PCDHGB2: variants seen among roughly 807,000 people sequenced by gnomAD.
PCDHGB2 encodes protocadherin gamma-B2.
In PCDHGB2, 55 loss-of-function variants were observed where a neutral mutation model predicts 59.3. The ratio of observed to expected loss-of-function variants is 0.93; its 90% CI spans 0.75 to 1.16. The LOEUF is 1.16. Among genes scored for constraint, PCDHGB2 ranks in the 50% most tolerant of loss-of-function variants. The pLI is 0.00. For synonymous variants in PCDHGB2, 516 were observed against 512.0 expected, an observed-to-expected ratio of 1.01 and a Z score of -0.11; for missense variants, 1,228 against 1,198.5, an observed-to-expected ratio of 1.02 and a Z score of -0.36.
At position 141,421,815 on chromosome 5, in the gene PCDHGB2, A is replaced by C. The variant is rs746563152; in HGVS notation, c.2421+59259A>C. ...ATGGGGCCAAGAATCCAGAGCTAGTACTGGAGGGAAGCCTGGACCGAGAGA... is the reference window on the plus strand; with the variant it reads ...ATGGGGCCAAGAATCCAGAGCTAGTCCTGGAGGGAAGCCTGGACCGAGAGA... On this transcript the variant is annotated intron_variant, in intron 1 of 3. Coordinates refer to ENST00000522605, the MANE Select transcript of PCDHGB2 (RefSeq NM_018923.3). 4 of 1,613,764 alleles carry C rather than the reference A, an allele frequency of 2.5e-6. No individual in the cohort carries two copies. The South Asian group carries it at 3.3e-5, about 13-fold the overall frequency.
intron 1 of PCDHGB2, among the ~76,000 whole-genome samples, chr5:141,464,300 A>G (rs1349155102): frequency 2.0e-5 from 3 of 149,898 alleles, no homozygotes; most frequent in East Asian, 1.9e-4. Context: ...ACTCCATTGT[A>G]TGTGCACATA....
intron 1 of PCDHGB2, chr5:141,388,264 A>G (rs1054125491): frequency 1.3e-6 from 2 of 1,598,302 alleles, no homozygotes; most frequent in African/African-American, 2.9e-5. Context: ...GAGGACATTA[A>G]TGACCACACG....
rs775132338 is a variant in PCDHGB2 at position 141,490,858 on chromosome 5, G to A, written c.2422-3949G>A. On this transcript the variant is annotated intron_variant, in intron 1 of 3. Coordinates refer to ENST00000522605, the MANE Select transcript of PCDHGB2 (RefSeq NM_018923.3). This position sits in a 1 kb window ranked among gnomAD's most constrained non-coding sequence, Gnocchi z 5.4. Reference sequence around the variant, plus strand: ...GATTGTGGTGGGGGTTCGAGACTCCGGCTCTCCCCCATTGCATGCCAACAC... The same window carrying A: ...GATTGTGGTGGGGGTTCGAGACTCCAGCTCTCCCCCATTGCATGCCAACAC... 14 of 1,613,704 alleles carry A rather than the reference G, an allele frequency of 8.7e-6. No homozygotes were observed. Among genetic ancestry groups the A allele is most frequent in the South Asian group, 2.2e-5 (2 of 91,068 alleles).
chr5:141,413,445 C>A (rs764464917), intron 1 of PCDHGB2: 1 of 1,613,986 alleles, frequency 6.2e-7, no homozygotes, highest in Admixed American at 1.7e-5. Flanking sequence ...GCTTGATCAC[C>A]GCGGGCAGGA....
chr5:141,470,791 A>G (rs1234712958), intron 1 of PCDHGB2, among the ~76,000 whole-genome samples: 3 of 152,152 alleles, frequency 2.0e-5, no homozygotes, highest in African/African-American at 7.2e-5. Context: ...GGGCTCAAGC[A>G]ATCCTCCCAC....
chr5:141,473,349 T>G (rs2099319716), intron 1 of PCDHGB2, among the ~76,000 whole-genome samples: 1 of 152,232 alleles, frequency 6.6e-6, no homozygotes, highest in Non-Finnish European at 1.5e-5. Context: ...ACAGTGAGGA[T>G]GCAAGTGGCC....
Position 141,402,817 on chromosome 5 carries a change from C to T in PCDHGB2, c.2421+40261C>T, listed in dbSNP as rs1040353038. On this transcript the variant is annotated intron_variant, in intron 1 of 3. Transcript: ENST00000522605. ...ACAAAACCCGGCAGATACCACAAACCTGCTCCCAGGCTGCAGCAAAACTCA... is the reference window on the plus strand; with the variant it reads ...ACAAAACCCGGCAGATACCACAAACTTGCTCCCAGGCTGCAGCAAAACTCA... The T allele has an allele frequency of 6.3e-6, 8 of 1,267,616 alleles. No homozygotes were observed. In the African/African-American group the frequency reaches 1.2e-4, roughly 19 times the overall value. The allele number at this position is 1,267,616 out of a possible 1,614,324, so 78.5% of individuals were successfully genotyped here.
At chr5:141,374,204 A>G in intron 1 of PCDHGB2, 1 of 1,613,902 alleles carries the variant, frequency 6.2e-7, no homozygotes. Flanking sequence ...GGAGCTGGAG[A>G]AAGGCTCCTT....
At chr5:141,394,948 T>C (rs753376472) in intron 1 of PCDHGB2, 1 of 1,613,884 alleles carries the variant, frequency 6.2e-7, no homozygotes, top group Admixed American at 1.7e-5. Context: ...GCTGTGCTTC[T>C]GGGGCTCAGG....
intron 1 of PCDHGB2, among the ~76,000 whole-genome samples, chr5:141,464,648 G>A (rs776411908): frequency 6.6e-6 from 1 of 152,020 alleles, no homozygotes; most frequent in African/African-American, 2.4e-5. Flanking sequence ...AACCTGATGG[G>A]TAAAAAGATA....
chr5:141,403,788 A>G, intron 1 of PCDHGB2: 3 of 1,613,956 alleles, frequency 1.9e-6, no homozygotes, highest in South Asian at 1.1e-5. Context: ...AAAGTGGCAT[A>G]CAAATTCTGG....
At chr5:141,393,590 G>C (rs778378242) in intron 1 of PCDHGB2, 2 of 1,613,896 alleles carry the variant, frequency 1.2e-6, no homozygotes, top group South Asian at 1.1e-5. Context: ...CCCCAGGCAC[G>C]CGGCTGCTTA....
At chr5:141,375,897 C>T in intron 1 of PCDHGB2, 1 of 1,613,798 alleles carries the variant, frequency 6.2e-7, no homozygotes, top group South Asian at 1.1e-5. Flanking sequence ...GCCTGGCTGT[C>T]CTACCGCCTG....
intron 1 of PCDHGB2, chr5:141,365,681 A>T: frequency 6.2e-7 from 1 of 1,613,224 alleles, no homozygotes. Flanking sequence ...CAACCCACCC[A>T]ATTTCCCTCA....
At chr5:141,423,694 T>A in intron 1 of PCDHGB2, 1 of 1,501,554 alleles carries the variant, frequency 6.7e-7, no homozygotes, top group Non-Finnish European at 8.9e-7. Context: ...TAATTGTTGG[T>A]GTCTTGGCAC....
chr5:141,390,187 G>T, intron 1 of PCDHGB2: 1 of 1,614,040 alleles, frequency 6.2e-7, no homozygotes, highest in Non-Finnish European at 8.5e-7. Flanking sequence ...CTAAAATGTA[G>T]TGAGCAGTTG....
At chr5:141,399,592 G>A (rs1385029299) in intron 1 of PCDHGB2, 4 of 1,613,880 alleles carry the variant, frequency 2.5e-6, no homozygotes, top group Non-Finnish European at 3.4e-6. Flanking sequence ...CTCTATCATG[G>A]CCAGCGACCT....
intron 1 of PCDHGB2, chr5:141,478,287 G>A (rs777542913): frequency 3.7e-6 from 6 of 1,614,154 alleles, no homozygotes; most frequent in Non-Finnish European, 5.1e-6. Flanking sequence ...AAGCAGTCTA[G>A]AGACCTATAC....
chr5:141,400,229 T>C lies in PCDHGB2; in HGVS notation c.2421+37673T>C, dbSNP rs370433551. ...GCCTTGATCTCAGTGCTCTTCCTCCTGGCCGTGATTCTGGCCGTTGCCTTG... is the reference window on the plus strand; with the variant it reads ...GCCTTGATCTCAGTGCTCTTCCTCCCGGCCGTGATTCTGGCCGTTGCCTTG... On this transcript the variant is annotated intron_variant, in intron 1 of 3. Transcript: ENST00000522605. 3.1e-6 allele frequency: 5 copies of C among 1,613,872 alleles called. No individual in the cohort carries two copies. In the African/African-American group the frequency reaches 4.0e-5, roughly 13 times the overall value.
Sources: allele counts gnomAD v4.1 joint callset (sites outside exome capture counted in the v4.1 genomes callset), GRCh38; gene constraint gnomAD v4.1.1; non-coding constraint Gnocchi (gnomAD v3.1); transcripts MANE v1.5; gene names NCBI Gene and HGNC (gene_info 2026-07-23, HGNC 2026-07-21).